The following CLTC variants were observed in gnomAD, a reference collection of about 807,000 sequenced individuals.
The protein encoded by CLTC is clathrin heavy chain.
CLTC carries 16 observed loss-of-function variants against 195.8 expected under a neutral mutation model. The ratio of observed to expected loss-of-function variants is 0.08; its 90% CI spans 0.06 to 0.12. CLTC has a LOEUF of 0.12. CLTC is among the 10% of genes least tolerant of loss of function. CLTC has a pLI of 1.00. For missense variants in CLTC, 796 were observed against 2,027.0 expected (o/e 0.39, Z 11.66); for synonymous variants, 667 against 689.4 (o/e 0.97, Z 0.51).
Position 59,681,476 on chromosome 17 carries a change from C to G in CLTC, c.3247C>G (p.Gln1083Glu). ...RKFDVNTSAV[Q>E]VLIEHIGNLD... ...ATTTGATGTCAATACTTCAGCAGTT[C>G]AGGTAAATCTTCAGATTACCTAAGT... Residue 1083 changes from glutamine to glutamate, a missense_variant and splice_region_variant, in exon 20 of 32, where the codon CAG becomes GAG. Transcript: ENST00000269122. The surrounding 1 kb of genome is among the most constrained non-coding windows in gnomAD (Gnocchi z 5.0). The G allele has an allele frequency of 6.2e-7, 1 of 1,613,684 alleles. No homozygotes were observed. The highest frequency in any genetic ancestry group is 8.5e-7 in the Non-Finnish European group (1 of 1,179,766).
intron 13 of CLTC, among the ~76,000 whole-genome samples, chr17:59,667,758 G>C (rs2032763674): frequency 6.6e-6 from 1 of 152,148 alleles, no homozygotes; most frequent in Admixed American, 6.5e-5. Context: ...TTCAGACATT[G>C]CCAGTGTCAC....
At chr17:59,688,594 T>C (rs1437295272) in intron 30 of CLTC, among the ~76,000 whole-genome samples, 3 of 152,178 alleles carry the variant, frequency 2.0e-5, no homozygotes, top group African/African-American at 7.2e-5. Flanking sequence ...TCCCATTATA[T>C]AGAAGAATCA....
intron 31 of CLTC, among the ~76,000 whole-genome samples, chr17:59,691,632 AATATATATATATATATAC>A (rs1243285839): frequency 1.4e-5 from 2 of 145,502 alleles, no homozygotes; most frequent in African/African-American, 2.5e-5. Flanking sequence ...TTAAAAAAAA[AATATATATATATATATAC>A]ATATATATAT....
At position 59,620,131 on chromosome 17, in the gene CLTC, C is replaced by T. The variant is rs1038864658; in HGVS notation, c.-1C>T. 1 of 1,614,044 alleles carries T rather than the reference C, an allele frequency of 6.2e-7. No individual in the cohort carries two copies. Among genetic ancestry groups the T allele is most frequent in the Non-Finnish European group, 8.5e-7 (1 of 1,180,040 alleles). On this transcript the variant is annotated 5_prime_UTR_variant, in exon 1 of 32. Transcript: ENST00000269122. ...AGGAGACCATAACCCCCGACAGCGC[C>T]ATGGCCCAGATTCTGCCAATTCGTT...
At chr17:59,687,462 T>C (rs1291814438) in intron 30 of CLTC, among the ~76,000 whole-genome samples, 1 of 151,524 alleles carries the variant, frequency 6.6e-6, no homozygotes, top group East Asian at 1.9e-4. Flanking sequence ...TATGTATATA[T>C]ACATGCCCTA....
rs557110359 is a variant in CLTC at position 59,653,354 on chromosome 17, C to T, written c.795+2038C>T. Among the ~76,000 whole-genome samples, 17 of 150,948 alleles carry T rather than the reference C, an allele frequency of 1.1e-4. No homozygotes were observed. In the East Asian group the frequency reaches 1.4e-3, roughly 12 times the overall value. ...GACTACAGGCACCCACCACCACCCT[C>T]GGCTAATTTTTTGTATTTTTAGTAG... On this transcript the variant is annotated intron_variant, in intron 5 of 31. Coordinates refer to ENST00000269122, the MANE Select transcript of CLTC (RefSeq NM_004859.4).
chr17:59,665,808 C>T (rs565448828), intron 10 of CLTC, among the ~76,000 whole-genome samples: 1 of 151,716 alleles, frequency 6.6e-6, no homozygotes, highest in Non-Finnish European at 1.5e-5. Context: ...CCATTGCACT[C>T]CAGCCTGGGC....
intron 7 of CLTC, 35 bp from the exon 8 acceptor site, chr17:59,661,408 T>C: frequency 1.9e-6 from 3 of 1,554,096 alleles, no homozygotes; most frequent in Non-Finnish European, 1.8e-6. Flanking sequence ...CTTCTTACAC[T>C]TTCGAAGAGC....
chr17:59,638,634 A>C (rs901368903), intron 1 of CLTC, among the ~76,000 whole-genome samples: 1 of 152,096 alleles, frequency 6.6e-6, no homozygotes, highest in Non-Finnish European at 1.5e-5. Context: ...GATTCTCATA[A>C]GGAGTGAGCA....
chr17:59,682,308 C>T lies in CLTC; in HGVS notation c.3480C>T (p.Ala1160=). 6.2e-7 allele frequency: 1 copy of T among 1,613,906 alleles called. No individual in the cohort carries two copies. Among genetic ancestry groups the T allele is most frequent in the Non-Finnish European group, 8.5e-7 (1 of 1,179,892 alleles). Residue 1160 remains alanine, a synonymous_variant, in exon 22 of 32, where the codon GCC becomes GCT. Transcript: ENST00000269122. This position sits in a 1 kb window ranked among gnomAD's most constrained non-coding sequence, Gnocchi z 6.8. The part of the protein sequence containing the change: ...WEELVKYLQM[A]RKKARESYVE... ...AACTGGTGAAGTACTTGCAGATGGCCCGTAAGAAGGCTCGAGAGTCCTATG... is the reference window on the plus strand; with the variant it reads ...AACTGGTGAAGTACTTGCAGATGGCTCGTAAGAAGGCTCGAGAGTCCTATG...
intron 1 of CLTC, among the ~76,000 whole-genome samples, chr17:59,623,383 A>G (rs1481321229): frequency 6.6e-6 from 1 of 152,204 alleles, no homozygotes; most frequent in Non-Finnish European, 1.5e-5. Flanking sequence ...TTTAAAATGT[A>G]TCATATTCTT....
intron 6 of CLTC, among the ~76,000 whole-genome samples, chr17:59,659,679 A>C (rs1188046525): frequency 6.6e-6 from 1 of 151,166 alleles, no homozygotes; most frequent in Admixed American, 6.6e-5. Flanking sequence ...TGAACTCCTG[A>C]CCTCATGATC....
At chr17:59,674,965 C>T in intron 16 of CLTC, 122 bp downstream of exon 16, 2 of 978,198 alleles carry the variant, frequency 2.0e-6, no homozygotes, top group Non-Finnish European at 3.1e-6. Context: ...CCTGAAGACA[C>T]CTAACATAGA....
intron 2 of CLTC, 142 bp from the exon 3 acceptor site, chr17:59,647,256 T>C (rs888534525): frequency 3.1e-6 from 2 of 653,602 alleles, no homozygotes; most frequent in Non-Finnish European, 5.2e-6. Flanking sequence ...AGCTGTTACC[T>C]CTTTAATGGT....
chr17:59,687,465 A>G (rs1247513398), intron 30 of CLTC, among the ~76,000 whole-genome samples: 3 of 151,096 alleles, frequency 2.0e-5, no homozygotes, highest in Non-Finnish European at 2.9e-5. Context: ...GTATATATAC[A>G]TGCCCTAAAA....
chr17:59,633,513 T>C (rs2031781618), intron 1 of CLTC, among the ~76,000 whole-genome samples: 1 of 151,982 alleles, frequency 6.6e-6, no homozygotes, highest in Admixed American at 6.6e-5. Flanking sequence ...AAAAAAATAC[T>C]CTAGTGACTC....
At position 59,620,037 on chromosome 17, in the gene CLTC, C is replaced by A; in HGVS notation, c.-95C>A. ...AGAGGATCCTGCTGAGCCCAGCCTC[C>A]CCCCTCCCCTTCTCCTCCTCTCCCT... On this transcript the variant is annotated 5_prime_UTR_variant, in exon 1 of 32. Transcript: ENST00000269122. 9.0e-7 allele frequency: 1 copy of A among 1,117,276 alleles called. No individual in the cohort carries two copies. The highest frequency in any genetic ancestry group is 1.3e-5 in the South Asian group (1 of 76,562). The allele number at this position is 1,117,276 out of a possible 1,614,324, so 69.2% of individuals were successfully genotyped here.
chr17:59,647,815 C>A, intron 3 of CLTC, 149 bp downstream of exon 3: 1 of 682,810 alleles, frequency 1.5e-6, no homozygotes, highest in Non-Finnish European at 2.5e-6. Flanking sequence ...TCCTCCCATC[C>A]CTTCTCTTCT....
At chr17:59,675,408 T>C (rs532832551) in intron 16 of CLTC, among the ~76,000 whole-genome samples, 1 of 152,310 alleles carries the variant, frequency 6.6e-6, no homozygotes, top group Non-Finnish European at 1.5e-5. Flanking sequence ...TCTGAGGAAC[T>C]AGTGTTTAGG....
Sources: gnomAD v4.1 joint callset for allele counts (sites outside exome capture counted in the v4.1 genomes callset) on GRCh38, gnomAD v4.1.1 for gene constraint, Gnocchi (gnomAD v3.1) non-coding constraint, MANE v1.5 for transcripts, NCBI Gene and HGNC (gene_info 2026-07-23, HGNC 2026-07-21) for gene names.